LIPC: variants seen among roughly 807,000 people sequenced by gnomAD.
The protein encoded by LIPC is lipase C, hepatic type.
Under a neutral mutation model 50.7 loss-of-function variants are expected in LIPC, and 44 were observed. That is an observed-to-expected ratio of 0.87 (90% CI 0.68 to 1.11). The LOEUF is 1.11. Ranked by LOEUF, LIPC falls within the 50% of genes most tolerant of loss-of-function variation. The pLI, the probability that LIPC is intolerant of heterozygous loss-of-function variation, is 0.00. For synonymous variants in LIPC, 271 were observed against 256.4 expected (o/e 1.06, Z -0.54); for missense variants, 697 against 648.2 (o/e 1.08, Z -0.82).
At chr15:58,498,891 A>G (rs1248218413) in intron 1 of LIPC, among the ~76,000 whole-genome samples, 1 of 152,238 alleles carries the variant, frequency 6.6e-6, no homozygotes, top group East Asian at 1.9e-4. Context: ...TGCTTGGAAG[A>G]GATACATGAG....
intron 1 of LIPC, among the ~76,000 whole-genome samples, chr15:58,526,374 T>G (rs1475522738): frequency 3.9e-5 from 6 of 152,234 alleles, no homozygotes; most frequent in Non-Finnish European, 8.8e-5. Context: ...TAGCCTAGTT[T>G]GGCTCCTCGA....
chr15:58,489,226 G>T (rs1184756785), intron 1 of LIPC, among the ~76,000 whole-genome samples: 1 of 105,432 alleles, frequency 9.5e-6, no homozygotes, highest in East Asian at 3.0e-4. Context: ...GCGGGGGCGG[G>T]GGGGCGGCTT....
In LIPC at chr15:58,548,363, G is replaced by A. The variant is rs200613217; in HGVS notation, c.842G>A (p.Arg281Gln). ...ITQTIKCSHE[R>Q]SVHLFIDSLL... is the part of the protein sequence containing the mutation. The stretch of plus-strand genomic sequence containing the variant: ...CAGACCATAAAATGCTCCCACGAGC[G>A]ATCGGTGCACCTTTTCATCGACTCC... The change falls in exon 6 of 9, where the codon CGA becomes CAA. Residue 281 changes from arginine (R) to glutamine (Q), a missense_variant. Arg to Gln is a conservative substitution (Grantham distance 43, BLOSUM62 1). Coordinates refer to ENST00000299022, the MANE Select transcript of LIPC (RefSeq NM_000236.3). 101 of 1,614,122 alleles carry A rather than the reference G, an allele frequency of 6.3e-5. No homozygotes were observed. Among genetic ancestry groups the A allele is most frequent in the Non-Finnish European group, 7.5e-5 (88 of 1,180,036 alleles).
intron 1 of LIPC, among the ~76,000 whole-genome samples, chr15:58,485,767 C>T (rs1891352462): frequency 6.6e-6 from 1 of 152,254 alleles, no homozygotes; most frequent in South Asian, 2.1e-4. Flanking sequence ...CATCCCAGCG[C>T]TGCCTTCCCA....
chr15:58,489,223 C>CGGGGGTGGGGGGGGGGGG (rs1566926406), intron 1 of LIPC, among the ~76,000 whole-genome samples: 1 of 67,254 alleles, frequency 1.5e-5, no homozygotes, highest in African/African-American at 1.0e-4. Flanking sequence ...GTTGCGGGGG[C>CGGGGGTGGGGGGGGGGGG]GGGGGGGCGG....
chr15:58,504,450 C>G (rs1280637950), intron 1 of LIPC, among the ~76,000 whole-genome samples: 3 of 152,160 alleles, frequency 2.0e-5, no homozygotes, highest in Non-Finnish European at 4.4e-5. Context: ...AGTTCTGTTT[C>G]TGGACGTCAA....
intron 1 of LIPC, among the ~76,000 whole-genome samples, chr15:58,525,529 G>A (rs1221764404): frequency 6.6e-6 from 1 of 152,194 alleles, no homozygotes; most frequent in Admixed American, 6.5e-5. Context: ...TCCAACCAGG[G>A]AAAGAGGCAA....
At chr15:58,567,070 C>T (rs564461189) in intron 8 of LIPC, among the ~76,000 whole-genome samples, 10 of 151,324 alleles carry the variant, frequency 6.6e-5, no homozygotes, top group Admixed American at 2.0e-4. Flanking sequence ...GGCGTGGTGG[C>T]GCATGCCTAT....
At chr15:58,440,549 A>G (rs1893469364) in intron 1 of LIPC, among the ~76,000 whole-genome samples, 1 of 152,236 alleles carries the variant, frequency 6.6e-6, no homozygotes, top group Non-Finnish European at 1.5e-5. Flanking sequence ...TACAAAAATG[A>G]AAAAGCGTAC....
intron 1 of LIPC, among the ~76,000 whole-genome samples, chr15:58,516,844 G>C (rs1892502244): frequency 6.6e-6 from 1 of 152,070 alleles, no homozygotes; most frequent in African/African-American, 2.4e-5. Context: ...TCTTCATTAT[G>C]GGTTGTATTT....
chr15:58,551,491 G>C (rs1893756437), intron 6 of LIPC, among the ~76,000 whole-genome samples: 1 of 152,140 alleles, frequency 6.6e-6, no homozygotes, highest in African/African-American at 2.4e-5. Context: ...TCAAATACGT[G>C]GCTGCTGCAT....
intron 1 of LIPC, among the ~76,000 whole-genome samples, chr15:58,434,334 A>G (rs187476661): frequency 6.6e-6 from 1 of 152,240 alleles, no homozygotes; most frequent in African/African-American, 2.4e-5. Flanking sequence ...TCTTTTGAGT[A>G]TTTATTATTA....
chr15:58,566,394 T>C (rs1014414833), intron 8 of LIPC: 2 of 985,330 alleles, frequency 2.0e-6, no homozygotes, highest in Non-Finnish European at 2.4e-6. Context: ...CTGTGTAGCC[T>C]CAAACAATAA....
At chr15:58,456,997 G>A (rs1387030329) in intron 1 of LIPC, among the ~76,000 whole-genome samples, 1 of 152,242 alleles carries the variant, frequency 6.6e-6, no homozygotes, top group African/African-American at 2.4e-5. Context: ...GGCTCCAGCA[G>A]AGATGATGCC....
At chr15:58,550,078 G>C (rs1893690888) in intron 6 of LIPC, among the ~76,000 whole-genome samples, 1 of 152,212 alleles carries the variant, frequency 6.6e-6, no homozygotes, top group South Asian at 2.1e-4. Context: ...CCAAGGCCTA[G>C]GCAGGGAAAA....
Position 58,547,303 on chromosome 15 carries a change from G to C in LIPC, c.809-1027G>C, listed in dbSNP as rs1893565542. ...CCTTCACTACCTCCTGGGTGGATGA[G>C]CTTGGGTGAGTTAGTGGATGTCTTG... On this transcript the variant is annotated intron_variant, in intron 5 of 8. Transcript: ENST00000299022. Among the ~76,000 whole-genome samples, 4 of 152,324 alleles carry C rather than the reference G, an allele frequency of 2.6e-5. No individual in the cohort carries two copies. In the South Asian group the frequency reaches 8.3e-4, roughly 32 times the overall value.
intron 1 of LIPC, among the ~76,000 whole-genome samples, chr15:58,470,266 TGA>T (rs1894745682): frequency 6.6e-6 from 1 of 152,098 alleles, no homozygotes; most frequent in East Asian, 1.9e-4. Context: ...AGACTGTAAA[TGA>T]GAGATTTGTT....
intron 1 of LIPC, among the ~76,000 whole-genome samples, chr15:58,498,457 G>GA (rs1419733736): frequency 6.6e-6 from 1 of 151,954 alleles, no homozygotes; most frequent in African/African-American, 2.4e-5. Context: ...GGTGGGTGAT[G>GA]AAAAAAGTTT....
Position 58,504,468 on chromosome 15 carries a change from C to A in LIPC, c.89-33865C>A, listed in dbSNP as rs541510160. On this transcript the variant is annotated intron_variant, in intron 1 of 8. Coordinates refer to ENST00000299022, the MANE Select transcript of LIPC (RefSeq NM_000236.3). ...TCTGTTTCTGGACGTCAACACCCCC[C>A]TCTCTGTATGAATAAGGGGTCTTCC... 7.2e-5 allele frequency among the ~76,000 whole-genome samples: 11 copies of A among 152,278 alleles called. No individual in the cohort carries two copies. The South Asian group carries it at 1.0e-3, about 14-fold the overall frequency.
Sources: allele counts gnomAD v4.1 joint callset (sites outside exome capture counted in the v4.1 genomes callset), GRCh38; gene constraint gnomAD v4.1.1; transcripts MANE v1.5; gene names NCBI Gene and HGNC (gene_info 2026-07-23, HGNC 2026-07-21).